EHMT1: variants seen among roughly 807,000 people sequenced by gnomAD.
EHMT1 encodes euchromatic histone lysine methyltransferase 1.
Under a neutral mutation model 147.2 loss-of-function variants are expected in EHMT1, and 15 were observed. The ratio of observed to expected loss-of-function variants is 0.10; its 90% CI spans 0.07 to 0.16. The LOEUF is 0.16. Ranked by LOEUF, EHMT1 falls within the 10% of genes least tolerant of loss-of-function variation. EHMT1 has a pLI of 1.00. For missense variants in EHMT1, 1,587 were observed against 1,772.4 expected, an observed-to-expected ratio of 0.90 and a Z score of 1.88; for synonymous variants, 795 against 709.6, an observed-to-expected ratio of 1.12 and a Z score of -1.91.
At chr9:137,774,910 CCT>C (rs1950850816) in intron 10 of EHMT1, among the ~76,000 whole-genome samples, 197 bp from the exon 11 acceptor site, 2 of 152,182 alleles carry the variant, frequency 1.3e-5, no homozygotes, top group African/African-American at 4.8e-5. Flanking sequence ...CTCTGGGCTC[CCT>C]GTTTGTCCCC....
At chr9:137,762,562 T>C in intron 9 of EHMT1, 113 bp from the exon 10 acceptor site, 1 of 1,558,932 alleles carries the variant, frequency 6.4e-7, no homozygotes, top group Admixed American at 1.8e-5. Flanking sequence ...ATCAACCGCA[T>C]TGCTTTCATT....
Position 137,774,762 on chromosome 9 carries a change from C to T in EHMT1, c.1648-347C>T, listed in dbSNP as rs572726797. 7.9e-5 allele frequency among the ~76,000 whole-genome samples: 11 copies of T among 138,896 alleles called. No individual in the cohort carries two copies. In the East Asian group the frequency reaches 2.4e-3, roughly 30 times the overall value. The allele number at this position is 138,896 out of a possible 152,430, so 91.1% of individuals were successfully genotyped here. A position where few individuals can be genotyped will look rare whatever the true frequency, so the allele number is the denominator to read the frequency against. On this transcript the variant is annotated intron_variant, in intron 10 of 26. Transcript: ENST00000460843. ...GCCCCCTGGATCTGGTGGATGTGGT[C>T]GCGTCTGGCCCCCTGGATCTGGTGG...
intron 1 of EHMT1, among the ~76,000 whole-genome samples, chr9:137,651,757 T>C (rs1937844863): frequency 6.6e-6 from 1 of 152,044 alleles, no homozygotes; most frequent in Non-Finnish European, 1.5e-5. Context: ...ATTGTGTCAC[T>C]GCACTCCAGC....
intron 7 of EHMT1, among the ~76,000 whole-genome samples, chr9:137,753,822 T>C (rs1021894682): frequency 6.6e-6 from 1 of 152,184 alleles, no homozygotes; most frequent in Non-Finnish European, 1.5e-5. Context: ...TCCCTTTTCT[T>C]GTGAGCGAGA....
At chr9:137,806,700 TG>T (rs1463374050) in intron 18 of EHMT1, among the ~76,000 whole-genome samples, 1 of 152,258 alleles carries the variant, frequency 6.6e-6, no homozygotes. Context: ...CCCAAAGTGC[TG>T]GGATTACAGG....
intron 25 of EHMT1, among the ~76,000 whole-genome samples, chr9:137,826,061 T>C (rs907927092): frequency 1.3e-5 from 2 of 151,986 alleles, no homozygotes; most frequent in Non-Finnish European, 2.9e-5. Flanking sequence ...ATCTGATTTA[T>C]ATGCTATTGT....
intron 25 of EHMT1, chr9:137,832,840 G>A (rs1956312593): frequency 6.6e-6 from 1 of 152,322 alleles, no homozygotes; most frequent in South Asian, 2.1e-4. Context: ...AGACCTTCGT[G>A]TGTGCGCCGT....
rs1432235746 is a variant in EHMT1, at chr9:137,782,041, G to T, written c.2276-250G>T. 6.6e-6 allele frequency among the ~76,000 whole-genome samples: 1 copy of T among 152,210 alleles called. No homozygotes were observed. The highest frequency in any genetic ancestry group is 1.9e-4 in the East Asian group (1 of 5,198). ...AGGAACCTCAGAGTTAGAGCAGGGT[G>T]GTAAAGGGAAGAGCGTGCCTTGCCG... On this transcript the variant is annotated intron_variant, in intron 14 of 26. Coordinates refer to ENST00000460843, the MANE Select transcript of EHMT1 (RefSeq NM_024757.5). This position sits in a 1 kb window ranked among gnomAD's most constrained non-coding sequence, Gnocchi z 5.7.
At chr9:137,745,527 A>T in intron 6 of EHMT1, 1 of 398,570 alleles carries the variant, frequency 2.5e-6, no homozygotes, top group African/African-American at 2.1e-5. Flanking sequence ...TGGCTCTGGC[A>T]CTCTGAAACA....
At position 137,754,860 on chromosome 9, in the gene EHMT1, G is replaced by A. The variant is rs540492184; in HGVS notation, c.1369+569G>A. 2.6e-5 allele frequency among the ~76,000 whole-genome samples: 4 copies of A among 152,304 alleles called. No homozygotes were observed. In the East Asian group the frequency reaches 5.8e-4, roughly 22 times the overall value. On this transcript the variant is annotated intron_variant, in intron 8 of 26. Coordinates refer to ENST00000460843, the MANE Select transcript of EHMT1 (RefSeq NM_024757.5). Reference sequence around the variant, plus strand: ...GTTGAACCGAGGTGAATCATTTGCTGCCCGCATGGGTGACTGGAACCTGTG... The same window carrying A: ...GTTGAACCGAGGTGAATCATTTGCTACCCGCATGGGTGACTGGAACCTGTG...
intron 18 of EHMT1, among the ~76,000 whole-genome samples, chr9:137,806,935 C>T (rs927462743): frequency 2.0e-5 from 3 of 152,184 alleles, no homozygotes; most frequent in African/African-American, 7.2e-5. Context: ...TTTTATATGG[C>T]TGCTTTTAAA....
intron 25 of EHMT1, among the ~76,000 whole-genome samples, chr9:137,820,674 T>G (rs1382724656): frequency 6.6e-6 from 1 of 152,210 alleles, no homozygotes; most frequent in Non-Finnish European, 1.5e-5. Flanking sequence ...TCAAGGTTTA[T>G]TTTTTTCCCA....
chr9:137,719,958 G>A (rs1451531387), intron 3 of EHMT1, among the ~76,000 whole-genome samples: 1 of 27,560 alleles, frequency 3.6e-5, no homozygotes, highest in East Asian at 6.3e-4. Context: ...TCGAGGTGCC[G>A]AACCCCCTCC....
chr9:137,753,720 T>G (rs1229773355), intron 7 of EHMT1, among the ~76,000 whole-genome samples: 1 of 152,194 alleles, frequency 6.6e-6, no homozygotes, highest in Non-Finnish European at 1.5e-5. Flanking sequence ...AAACATATCT[T>G]GAAATATTAT....
chr9:137,818,678 T>C (rs111561831), intron 25 of EHMT1, among the ~76,000 whole-genome samples: 2 of 24,156 alleles, frequency 8.3e-5, no homozygotes, highest in South Asian at 1.9e-3. Context: ...AGGGGCGCCG[T>C]GTACCGAGAC....
chr9:137,710,906 T>A, intron 1 of EHMT1, 61 bp from the exon 2 acceptor site: 1 of 1,534,354 alleles, frequency 6.5e-7, no homozygotes. Context: ...CCAAATGATG[T>A]CCATTTGGAA....
chr9:137,620,769 G>A (rs772435765), intron 1 of EHMT1, among the ~76,000 whole-genome samples: 16 of 152,296 alleles, frequency 1.1e-4, no homozygotes, highest in Middle Eastern at 3.4e-3. Flanking sequence ...CTAGTACAGT[G>A]TTGGGCACGT....
intron 2 of EHMT1, among the ~76,000 whole-genome samples, chr9:137,713,015 A>G (rs1170803301): frequency 6.6e-6 from 1 of 152,202 alleles, no homozygotes; most frequent in African/African-American, 2.4e-5. Context: ...TTGTCCCAGC[A>G]ACATTTATGA....
At chr9:137,792,564 G>T (rs1209284129) in intron 16 of EHMT1, among the ~76,000 whole-genome samples, 1 of 152,204 alleles carries the variant, frequency 6.6e-6, no homozygotes, top group East Asian at 1.9e-4. Flanking sequence ...AATTAGCCGG[G>T]CGTGGTGATG....
Sources: allele counts gnomAD v4.1 joint callset (sites outside exome capture counted in the v4.1 genomes callset), GRCh38; gene constraint gnomAD v4.1.1; non-coding constraint Gnocchi (gnomAD v3.1); transcripts MANE v1.5; gene names NCBI Gene and HGNC (gene_info 2026-07-23, HGNC 2026-07-21).